The following CADM2 variants were observed in gnomAD, a reference collection of about 807,000 sequenced individuals.
CADM2 encodes the protein immunoglobulin superfamily member 4D.
CADM2 carries 12 observed loss-of-function variants against 49.8 expected under a neutral mutation model. The ratio of observed to expected loss-of-function variants is 0.24; its 90% CI spans 0.15 to 0.39. The LOEUF is 0.39. Ranked by LOEUF, CADM2 falls within the 10% of genes least tolerant of loss-of-function variation. The probability of loss-of-function intolerance (pLI) is 1.00; values close to 1 mark genes in which losing one functional copy is unlikely to be tolerated. For missense variants in CADM2, 378 were observed against 492.3 expected (o/e 0.77, Z 2.20); for synonymous variants, 214 against 175.4 (o/e 1.22, Z -1.74).
chr3:85,182,624 T>G lies in CADM2; in HGVS notation c.61+222956T>G, dbSNP rs112609145. ...GGACGGAGGAATATAAAATTTAATT[T>G]TGATAAACATACTATCATTATGTAA... On this transcript the variant is annotated intron_variant, in intron 1 of 9. Transcript: ENST00000383699. Among the ~76,000 whole-genome samples the G allele has an allele frequency of 2.0e-3, 306 of 152,190 alleles. 1 individual carries two copies. Among genetic ancestry groups the G allele is most frequent in the African/African-American group, 7.0e-3 (292 of 41,548 alleles).
At position 85,871,961 on chromosome 3, in the gene CADM2, A is replaced by C. The variant is rs2075947676; in HGVS notation, c.239-11330A>C. Among the ~76,000 whole-genome samples, 3 of 152,180 alleles carry C rather than the reference A, an allele frequency of 2.0e-5. No individual in the cohort carries two copies. In the South Asian group the frequency reaches 6.2e-4, roughly 31 times the overall value. ...ACAAACAAAATACAGTTTATTAGCCAATTATTTTCAAATCGTGTATTTTTC... is the reference window on the plus strand; with the variant it reads ...ACAAACAAAATACAGTTTATTAGCCCATTATTTTCAAATCGTGTATTTTTC... On this transcript the variant is annotated intron_variant, in intron 3 of 9. Coordinates refer to ENST00000383699, the MANE Select transcript of CADM2 (RefSeq NM_001167675.2).
chr3:85,776,662 A>C (rs933929005), intron 2 of CADM2, among the ~76,000 whole-genome samples: 3 of 152,050 alleles, frequency 2.0e-5, no homozygotes, highest in African/African-American at 7.2e-5. Context: ...TCTGCTCTTT[A>C]ATTGTGAGAG....
intron 1 of CADM2, among the ~76,000 whole-genome samples, chr3:85,010,470 G>C (rs184163461): frequency 6.6e-6 from 1 of 152,138 alleles, no homozygotes; most frequent in African/African-American, 2.4e-5. Flanking sequence ...AGGGCTAAGA[G>C]CACTTCTACC....
At chr3:85,168,717 A>C (rs1298243321) in intron 1 of CADM2, among the ~76,000 whole-genome samples, 1 of 152,188 alleles carries the variant, frequency 6.6e-6, no homozygotes, top group East Asian at 1.9e-4. Flanking sequence ...TGATTCTGAA[A>C]TAAAACTTAA....
At chr3:85,442,590 AT>A (rs2037257852) in intron 1 of CADM2, among the ~76,000 whole-genome samples, 1 of 6,244 alleles carries the variant, frequency 1.6e-4, no homozygotes, top group Non-Finnish European at 1.4e-3. Flanking sequence ...ATATATGAGT[AT>A]ATATATATAT....
chr3:85,521,093 G>A (rs540487080), intron 1 of CADM2, among the ~76,000 whole-genome samples: 6 of 152,012 alleles, frequency 3.9e-5, no homozygotes, highest in Non-Finnish European at 7.4e-5. Context: ...TTCTTAATTC[G>A]TCTTCAGCAA....
chr3:85,694,327 T>C (rs760381259), intron 1 of CADM2, among the ~76,000 whole-genome samples: 10 of 152,112 alleles, frequency 6.6e-5, no homozygotes, highest in Admixed American at 2.0e-4. Context: ...CCTAATGGAA[T>C]AGGACTTCCT....
chr3:86,024,687 G>A (rs1456797586), intron 8 of CADM2, among the ~76,000 whole-genome samples: 1 of 151,860 alleles, frequency 6.6e-6, no homozygotes, highest in African/African-American at 2.4e-5. Flanking sequence ...TCACATTGTG[G>A]GCCTTTGGAA....
At chr3:85,911,561 C>G (rs535166985) in intron 5 of CADM2, among the ~76,000 whole-genome samples, 19 of 152,270 alleles carry the variant, frequency 1.2e-4, no homozygotes, top group Middle Eastern at 3.4e-3. Context: ...CTTTTCTTTC[C>G]AAAGATGACA....
chr3:85,284,927 A>G (rs1295249451), intron 1 of CADM2, among the ~76,000 whole-genome samples: 1 of 152,072 alleles, frequency 6.6e-6, no homozygotes, highest in Non-Finnish European at 1.5e-5. Context: ...AGAGACAACG[A>G]AAAAAAGCAA....
chr3:84,997,456 T>C (rs2033238111), intron 1 of CADM2, among the ~76,000 whole-genome samples: 1 of 152,042 alleles, frequency 6.6e-6, no homozygotes, highest in South Asian at 2.1e-4. Flanking sequence ...AGCCAGGGTA[T>C]TTAACAACAT....
At chr3:85,011,435 T>G in intron 1 of CADM2, among the ~76,000 whole-genome samples, 1 of 152,218 alleles carries the variant, frequency 6.6e-6, no homozygotes, top group East Asian at 1.9e-4. Flanking sequence ...GACACAAGTT[T>G]ATTGAGTGTG....
intron 1 of CADM2, among the ~76,000 whole-genome samples, chr3:85,288,783 T>A (rs1474090199): frequency 1.5e-5 from 1 of 67,650 alleles, no homozygotes; most frequent in Non-Finnish European, 3.0e-5. Context: ...TTTACCAATA[T>A]GCCCCCCCCC....
rs895129381 is a variant in CADM2 at position 85,233,897 on chromosome 3, A to G, written c.61+274229A>G. 3.9e-5 allele frequency among the ~76,000 whole-genome samples: 6 copies of G among 152,106 alleles called. No individual in the cohort carries two copies. In the East Asian group the frequency reaches 7.7e-4, roughly 20 times the overall value. On this transcript the variant is annotated intron_variant, in intron 1 of 9. Transcript: ENST00000383699. ...GTAAAAATCTTTATCCACAAAATGC[A>G]TATTTAATTCTACAAATATAGTATG... is the stretch of plus-strand genomic sequence containing the variant.
intron 8 of CADM2, among the ~76,000 whole-genome samples, chr3:86,031,733 T>C (rs1171083342): frequency 6.6e-6 from 1 of 151,852 alleles, no homozygotes; most frequent in Admixed American, 6.6e-5. Flanking sequence ...AAGAAACTAG[T>C]GCTTTGGATT....
intron 8 of CADM2, among the ~76,000 whole-genome samples, chr3:86,023,651 C>A (rs1733496715): frequency 1.3e-5 from 2 of 152,144 alleles, no homozygotes; most frequent in African/African-American, 4.8e-5. Flanking sequence ...AGCCGCCACA[C>A]CCAGCCTAGC....
At chr3:84,994,961 C>T (rs752521969) in intron 1 of CADM2, among the ~76,000 whole-genome samples, 2 of 151,906 alleles carry the variant, frequency 1.3e-5, no homozygotes, top group East Asian at 1.9e-4. Context: ...CGGAAGGCAG[C>T]GGAGGTTTCA....
chr3:85,909,104 A>G (rs552428935), intron 5 of CADM2, among the ~76,000 whole-genome samples: 1 of 152,260 alleles, frequency 6.6e-6, no homozygotes, highest in African/African-American at 2.4e-5. Context: ...ACAAATTGCA[A>G]AGCAGATGAC....
chr3:85,173,193 A>C (rs1351388841), intron 1 of CADM2, among the ~76,000 whole-genome samples: 1 of 151,466 alleles, frequency 6.6e-6, no homozygotes, highest in East Asian at 1.9e-4. Flanking sequence ...TTACATATAA[A>C]TATAGATAGA....
Sources: allele counts gnomAD v4.1 joint callset (sites outside exome capture counted in the v4.1 genomes callset), GRCh38; gene constraint gnomAD v4.1.1; transcripts MANE v1.5; gene names NCBI Gene and HGNC (gene_info 2026-07-23, HGNC 2026-07-21).